The following SP140 variants were observed in gnomAD, a reference collection of about 807,000 sequenced individuals.
SP140 encodes nuclear body protein SP140.
A neutral mutation model predicts 125.0 loss-of-function variants in SP140; 81 were observed. That is an observed-to-expected ratio of 0.65 (90% CI 0.54 to 0.78). SP140 has a LOEUF of 0.78. Among genes scored for constraint, SP140 ranks in the 30% least tolerant of loss-of-function variants. SP140 has a pLI of 0.00. For missense variants in SP140, 858 were observed against 1,037.0 expected (o/e 0.83, Z 2.37); for synonymous variants, 312 against 354.0 (o/e 0.88, Z 1.33).
intron 22 of SP140, among the ~76,000 whole-genome samples, chr2:230,306,039 C>T (rs527963014): frequency 1.3e-5 from 2 of 152,220 alleles, no homozygotes; most frequent in Non-Finnish European, 2.9e-5. Flanking sequence ...AGATGCTGGC[C>T]TGGGCCTGGC....
Position 230,285,751 on chromosome 2 carries a change from G to A in SP140, c.1565-1G>A. The A allele has an allele frequency of 6.2e-7, 1 of 1,612,838 alleles. No homozygotes were observed. The highest frequency in any genetic ancestry group is 8.5e-7 in the Non-Finnish European group (1 of 1,178,898). On this transcript the variant is annotated splice_acceptor_variant, in intron 16 of 26. Coordinates refer to ENST00000392045, the MANE Select transcript of SP140 (RefSeq NM_007237.5). LOFTEE classifies it high-confidence loss of function. ...ATACATTTTCCCCTGCCTATCCCCA[G>A]ATAATAGCAAAGCCGACGGCCAGGT...
At chr2:230,269,043 G>C (rs2053547632) in intron 12 of SP140, among the ~76,000 whole-genome samples, 1 of 152,164 alleles carries the variant, frequency 6.6e-6, no homozygotes, top group African/African-American at 2.4e-5. Flanking sequence ...ATTGTGTAGG[G>C]ACTCCAGACC....
Position 230,278,270 on chromosome 2 carries a change from A to G in SP140, c.1499-6076A>G, listed in dbSNP as rs55977323. On this transcript the variant is annotated intron_variant, in intron 15 of 26. Coordinates refer to ENST00000392045, the MANE Select transcript of SP140 (RefSeq NM_007237.5). ...CTTTTTTTATAATCCATTGGCCATTATATGTCTTCTTTGGGAAAACATTTA... is the reference window on the plus strand; with the variant it reads ...CTTTTTTTATAATCCATTGGCCATTGTATGTCTTCTTTGGGAAAACATTTA... Among the ~76,000 whole-genome samples, 427 of 152,200 alleles carry G rather than the reference A, an allele frequency of 2.8e-3. 1 individual carries two copies. Among genetic ancestry groups the G allele is most frequent in the Admixed American group, 7.3e-3 (112 of 15,276 alleles).
intron 18 of SP140, among the ~76,000 whole-genome samples, chr2:230,288,452 A>ACTAT (rs1275093440): frequency 2.8e-5 from 4 of 141,564 alleles, no homozygotes; most frequent in South Asian, 2.3e-4. Context: ...AATTAGGCCA[A>ACTAT]CTATCTTTCT....
intron 3 of SP140, among the ~76,000 whole-genome samples, chr2:230,239,862 C>T (rs560175782): frequency 1.2e-4 from 18 of 152,284 alleles, no homozygotes; most frequent in African/African-American, 4.1e-4. Flanking sequence ...GTATTTTAAC[C>T]AGGGTGTTCC....
chr2:230,248,020 C>G lies in SP140; in HGVS notation c.847C>G (p.Gln283Glu). 6.2e-7 allele frequency: 1 copy of G among 1,613,594 alleles called. No homozygotes were observed. The highest frequency in any genetic ancestry group is 8.5e-7 in the Non-Finnish European group (1 of 1,179,800). ...CAGGAACAGTCCCAGAAAAAGAAAC[C>G]AAGACAAGGAGAAGTACCAAGAGAG... ...EGRNSPRKRN[Q>E]DKEKYQESPE... Residue 283 changes from glutamine (Q) to glutamate (E), a missense_variant, in exon 8 of 27, where the codon CAA becomes GAA. Gln to Glu is a conservative substitution (Grantham distance 29). This residue lies in a region of SP140 where 791 missense variants were observed against 869.5 expected (regional missense o/e 0.91). Transcript: ENST00000392045.
intron 3 of SP140, among the ~76,000 whole-genome samples, chr2:230,215,803 TAAACAC>T (rs892653286): frequency 2.6e-5 from 4 of 152,216 alleles, no homozygotes; most frequent in African/African-American, 4.8e-5. Flanking sequence ...TGAGCATTAA[TAAACAC>T]AAATAAATAC....
chr2:230,269,713 A>G, intron 13 of SP140, 95 bp downstream of exon 13: 1 of 1,058,014 alleles, frequency 9.5e-7, no homozygotes, highest in Non-Finnish European at 1.4e-6. Flanking sequence ...AGTCAAATAT[A>G]AGGAGGAGCA....
At chr2:230,283,378 A>G (rs1025583943) in intron 15 of SP140, among the ~76,000 whole-genome samples, 1 of 152,152 alleles carries the variant, frequency 6.6e-6, no homozygotes, top group Non-Finnish European at 1.5e-5. Flanking sequence ...TCCATCTACA[A>G]AATTAGATAG....
intron 15 of SP140, among the ~76,000 whole-genome samples, chr2:230,275,139 C>T (rs917239077): frequency 3.3e-5 from 5 of 152,064 alleles, no homozygotes; most frequent in African/African-American, 1.2e-4. Context: ...AACAGGAATA[C>T]TTATATATGA....
intron 6 of SP140, 123 bp from the exon 7 acceptor site, chr2:230,245,740 G>C: frequency 1.6e-6 from 1 of 640,706 alleles, no homozygotes; most frequent in Non-Finnish European, 2.8e-6. Flanking sequence ...ACTTTTGTTT[G>C]GTGCAAAGAT....
chr2:230,219,778 T>C (rs762402062), intron 3 of SP140: 12 of 269,668 alleles, frequency 4.4e-5, no homozygotes, highest in Non-Finnish European at 6.3e-5. Flanking sequence ...AGAGTTTAAA[T>C]AGTTGAACTC....
At chr2:230,207,842 T>C (rs190610403) in intron 1 of SP140, 5 of 644,054 alleles carry the variant, frequency 7.8e-6, no homozygotes, top group Non-Finnish European at 1.4e-5. Context: ...CGTAGCAAAA[T>C]TGAGCTTACA....
rs1024195645 is a variant in SP140, at chr2:230,218,242, A to G, written c.-91+4168A>G. 2.6e-5 allele frequency among the ~76,000 whole-genome samples: 4 copies of G among 152,234 alleles called. No individual in the cohort carries two copies. The East Asian group carries it at 7.7e-4, about 29-fold the overall frequency. ...CATTTTGTGTTGAACAGAAAAGTAAATCGTAATTAACAACTGTTTACAGGG... is the reference window on the plus strand; with the variant it reads ...CATTTTGTGTTGAACAGAAAAGTAAGTCGTAATTAACAACTGTTTACAGGG... On this transcript the variant is annotated intron_variant, in intron 3 of 4. Coordinates refer to the SP140 transcript ENST00000456542.
At chr2:230,221,509 C>T (rs1481830165), upstream of SP140, among the ~76,000 whole-genome samples, 1 of 152,132 alleles carries the variant, frequency 6.6e-6, no homozygotes, top group Admixed American at 6.5e-5. Context: ...TACAGAATAG[C>T]AGACCCGGCC....
chr2:230,308,737 G>A (rs1286457447), intron 22 of SP140, among the ~76,000 whole-genome samples: 1 of 152,250 alleles, frequency 6.6e-6, no homozygotes, highest in East Asian at 1.9e-4. Flanking sequence ...GAAGGTGCAA[G>A]CGGTCCTCTT....
Position 230,305,939 on chromosome 2 carries a change from C to G in SP140, c.2059-3985C>G, listed in dbSNP as rs946188217. Among the ~76,000 whole-genome samples, 12 of 152,364 alleles carry G rather than the reference C, an allele frequency of 7.9e-5. No homozygotes were observed. The East Asian group carries it at 2.3e-3, about 29-fold the overall frequency. The stretch of plus-strand genomic sequence containing the variant: ...TCCGGTCCTGGAGGTTTCCCCCAGG[C>G]AGGGTCACAAGCCAGGAGAGGGGGT... On this transcript the variant is annotated intron_variant, in intron 22 of 26. Transcript: ENST00000392045.
chr2:230,265,455 T>C (rs2052948307), intron 12 of SP140, among the ~76,000 whole-genome samples: 1 of 151,946 alleles, frequency 6.6e-6, no homozygotes, highest in African/African-American at 2.4e-5. Context: ...CTCACAAGAG[T>C]TCTGTCCAGG....
At chr2:230,248,102 GA>G in intron 8 of SP140, 37 bp downstream of exon 8, 1 of 1,601,998 alleles carries the variant, frequency 6.2e-7, no homozygotes, top group East Asian at 2.2e-5. Context: ...TGTCAAGGGT[GA>G]AAATGAGAGT....
Sources: allele counts gnomAD v4.1 joint callset (sites outside exome capture counted in the v4.1 genomes callset), GRCh38; gene constraint gnomAD v4.1.1; regional missense constraint gnomAD v4.1.1; transcripts MANE v1.5; gene names NCBI Gene and HGNC (gene_info 2026-07-23, HGNC 2026-07-21).